The following B3GNT2 variants were observed in gnomAD, a reference collection of about 807,000 sequenced individuals.
The protein encoded by B3GNT2 is N-acetyllactosaminide beta-1,3-N-acetylglucosaminyltransferase 2.
Under a neutral mutation model 27.6 loss-of-function variants are expected in B3GNT2, and 12 were observed. The ratio of observed to expected loss-of-function variants is 0.44; its 90% CI spans 0.28 to 0.71. The LOEUF (loss-of-function observed/expected upper bound fraction) is 0.71. Among genes scored for constraint, B3GNT2 ranks in the 30% least tolerant of loss-of-function variants. The pLI, the probability that B3GNT2 is intolerant of heterozygous loss-of-function variation, is 0.17. For synonymous variants in B3GNT2, 192 were observed against 189.7 expected (o/e 1.01, Z -0.10); for missense variants, 413 against 488.5 (o/e 0.85, Z 1.46).
At chr2:62,207,676 C>T (rs773495885) in intron 1 of B3GNT2, among the ~76,000 whole-genome samples, 18 of 152,168 alleles carry the variant, frequency 1.2e-4, no homozygotes, top group Non-Finnish European at 1.5e-4. Context: ...TCCTTGCATG[C>T]GCAGTTCACA....
chr2:62,203,934 T>C (rs115560404), intron 1 of B3GNT2, among the ~76,000 whole-genome samples: 5,768 of 152,272 alleles, frequency 0.038, 176 homozygotes, highest in Non-Finnish European at 0.051. Context: ...TTCACATGTT[T>C]ATTATTGGAA....
In B3GNT2 at chr2:62,222,198, C is replaced by T. The variant is rs1347416003; in HGVS notation, c.-9-14C>T. 1.9e-6 allele frequency: 3 copies of T among 1,557,210 alleles called. No homozygotes were observed. The East Asian group carries it at 6.7e-5, about 35-fold the overall frequency. ...GATAAGTAATTGATACAATACTCCA[C>T]CCCTTTATTCCAGATATGAGAAATG... On this transcript the variant is annotated splice_polypyrimidine_tract_variant and intron_variant, in intron 1 of 1. Transcript: ENST00000301998. The surrounding 1 kb of genome is among the most constrained non-coding windows in gnomAD (Gnocchi z 4.2).
At chr2:62,206,262 C>T (rs1215919460) in intron 1 of B3GNT2, among the ~76,000 whole-genome samples, 1 of 152,108 alleles carries the variant, frequency 6.6e-6, no homozygotes, top group Admixed American at 6.5e-5. Flanking sequence ...TGGGGGCGGC[C>T]CATCTGGGTT....
Position 62,223,471 on chromosome 2 carries a change from G to A in B3GNT2, c.*57G>A. ...GTGTATTTTGAATAGTTCCCATGTT[G>A]TGTTCTCACATTAGAGTAATTTCTA... On this transcript the variant is annotated 3_prime_UTR_variant, in exon 2 of 2. Coordinates refer to ENST00000301998, the MANE Select transcript of B3GNT2 (RefSeq NM_006577.6). 1 of 1,400,566 alleles carries A rather than the reference G, an allele frequency of 7.1e-7. No homozygotes were observed. The highest frequency in any genetic ancestry group is 2.3e-5 in the East Asian group (1 of 42,800). 86.8% of individuals were successfully genotyped at this position (1,400,566 alleles called of 1,614,324 possible). A position where few individuals can be genotyped will look rare whatever the true frequency, so the allele number is the denominator to read the frequency against.
intron 1 of B3GNT2, among the ~76,000 whole-genome samples, chr2:62,210,384 G>A (rs1176572084): frequency 6.6e-6 from 1 of 152,100 alleles, no homozygotes; most frequent in African/African-American, 2.4e-5. Flanking sequence ...ATGGGCAAAG[G>A]GCATGGGGGA....
rs138678039 is a variant in B3GNT2, at chr2:62,206,073, C to T, written c.-10+9718C>T. On this transcript the variant is annotated intron_variant, in intron 1 of 1. Coordinates refer to ENST00000301998, the MANE Select transcript of B3GNT2 (RefSeq NM_006577.6). ...AAGCAAGATAAGGGATGTTTTAAGCCAGGAGAAACCAGGCTGAGAAGAGGT... is the reference window on the plus strand; with the variant it reads ...AAGCAAGATAAGGGATGTTTTAAGCTAGGAGAAACCAGGCTGAGAAGAGGT... Among the ~76,000 whole-genome samples, 53 of 152,196 alleles carry T rather than the reference C, an allele frequency of 3.5e-4. No individual in the cohort carries two copies. The East Asian group carries it at 3.9e-3, about 11-fold the overall frequency.
intron 1 of B3GNT2, among the ~76,000 whole-genome samples, chr2:62,212,165 C>T (rs1380454295): frequency 6.6e-6 from 1 of 152,086 alleles, no homozygotes; most frequent in African/African-American, 2.4e-5. Context: ...CTGAAGGGGA[C>T]CTTGTAGGAG....
chr2:62,216,207 G>A (rs1674569904), intron 1 of B3GNT2, among the ~76,000 whole-genome samples: 1 of 152,076 alleles, frequency 6.6e-6, no homozygotes, highest in Non-Finnish European at 1.5e-5. Flanking sequence ...TTGGGTTCAG[G>A]GATTCCCAGT....
chr2:62,205,344 G>A (rs548063939), intron 1 of B3GNT2, among the ~76,000 whole-genome samples: 6 of 152,364 alleles, frequency 3.9e-5, no homozygotes, highest in South Asian at 4.1e-4. Context: ...AAATACGGAA[G>A]CAAGTCTTGG....
chr2:62,219,835 G>T (rs1674648118), intron 1 of B3GNT2, among the ~76,000 whole-genome samples: 1 of 152,244 alleles, frequency 6.6e-6, no homozygotes, highest in African/African-American at 2.4e-5. Context: ...GTGGGCAGGG[G>T]ACCAGGGAGT....
chr2:62,217,100 C>A (rs1674591067), intron 1 of B3GNT2, among the ~76,000 whole-genome samples: 1 of 152,212 alleles, frequency 6.6e-6, no homozygotes, highest in East Asian at 1.9e-4. Context: ...TAGTACACTG[C>A]CTCCCATATC....
chr2:62,196,834 C>T (rs1674153353), intron 1 of B3GNT2, among the ~76,000 whole-genome samples: 1 of 151,892 alleles, frequency 6.6e-6, no homozygotes, highest in South Asian at 2.1e-4. Flanking sequence ...CGCGTGATTC[C>T]TCGCTCGCAC....
intron 1 of B3GNT2, among the ~76,000 whole-genome samples, chr2:62,199,570 G>T (rs1382633231): frequency 6.6e-6 from 1 of 152,234 alleles, no homozygotes; most frequent in Admixed American, 6.5e-5. Context: ...AATACTGAAA[G>T]ATTCTCATAA....
chr2:62,207,331 C>T (rs1674394885), intron 1 of B3GNT2, among the ~76,000 whole-genome samples: 1 of 152,178 alleles, frequency 6.6e-6, no homozygotes, highest in African/African-American at 2.4e-5. Flanking sequence ...ACACATGCTA[C>T]AGGCCACCAT....
intron 1 of B3GNT2, among the ~76,000 whole-genome samples, chr2:62,203,217 A>G (rs1674304578): frequency 6.6e-6 from 1 of 152,188 alleles, no homozygotes; most frequent in African/African-American, 2.4e-5. Flanking sequence ...CAGGGATAGT[A>G]CAAGATTGAA....
At chr2:62,210,969 G>A (rs918154147) in intron 1 of B3GNT2, among the ~76,000 whole-genome samples, 8 of 152,128 alleles carry the variant, frequency 5.3e-5, no homozygotes, top group African/African-American at 1.2e-4. Flanking sequence ...TGTTTCCTCC[G>A]GAAGTAACCA....
In B3GNT2 at chr2:62,223,627, A is replaced by G; in HGVS notation, c.*213A>G. 1.9e-6 allele frequency: 1 copy of G among 530,384 alleles called. No homozygotes were observed. The highest frequency in any genetic ancestry group is 3.4e-6 in the Non-Finnish European group (1 of 291,844). 32.9% of individuals were successfully genotyped at this position (530,384 alleles called of 1,614,324 possible). ...TTTTTATGGATGATATGGCAGGATG[A>G]TTGGTTCTGATCTTACCGGCTAGTG... is the stretch of plus-strand genomic sequence containing the variant. On this transcript the variant is annotated 3_prime_UTR_variant, in exon 2 of 2. Transcript: ENST00000301998.
chr2:62,209,781 C>A (rs2104197132), intron 1 of B3GNT2, among the ~76,000 whole-genome samples: 1 of 152,294 alleles, frequency 6.6e-6, no homozygotes, highest in East Asian at 1.9e-4. Flanking sequence ...TTGTGCTGAT[C>A]TCCCTTCACT....
rs113156679 is a variant in B3GNT2, at chr2:62,203,446, T to G, written c.-10+7091T>G. ...AGCAATAGACTTGGGCCCAGAACTG[T>G]GGAGCAAGTCCATTTTGTGGGATGG... On this transcript the variant is annotated intron_variant, in intron 1 of 1. Coordinates refer to ENST00000301998, the MANE Select transcript of B3GNT2 (RefSeq NM_006577.6). Among the ~76,000 whole-genome samples, 587 of 152,250 alleles carry G rather than the reference T, an allele frequency of 3.9e-3. 6 individuals carry two copies. The highest frequency in any genetic ancestry group is 0.014 in the Middle Eastern group (4 of 294).
Sources: allele counts gnomAD v4.1 joint callset (sites outside exome capture counted in the v4.1 genomes callset), GRCh38; gene constraint gnomAD v4.1.1; non-coding constraint Gnocchi (gnomAD v3.1); transcripts MANE v1.5; gene names NCBI Gene and HGNC (gene_info 2026-07-23, HGNC 2026-07-21).